Variants in RAPGEF4 observed in about 807,000 individuals in gnomAD.
The protein encoded by RAPGEF4 is RAP guanine-nucleotide-exchange factor (GEF) 4.
In RAPGEF4, 66 loss-of-function variants were observed where a neutral mutation model predicts 147.9. That is an observed-to-expected ratio of 0.45 (90% CI 0.37 to 0.55). The LOEUF (loss-of-function observed/expected upper bound fraction) is 0.55. Among genes scored for constraint, RAPGEF4 ranks in the 20% least tolerant of loss-of-function variants. RAPGEF4 has a pLI of 0.00. For synonymous variants in RAPGEF4, 419 were observed against 442.7 expected, an observed-to-expected ratio of 0.95 and a Z score of 0.67; for missense variants, 1,071 against 1,257.3, an observed-to-expected ratio of 0.85 and a Z score of 2.24.
At chr2:172,912,608 T>C (rs904174270) in intron 4 of RAPGEF4, among the ~76,000 whole-genome samples, 1 of 152,218 alleles carries the variant, frequency 6.6e-6, no homozygotes, top group Non-Finnish European at 1.5e-5. Context: ...ATTTTTGAAC[T>C]CTGCAAGTCC....
chr2:172,965,475 T>C, intron 8 of RAPGEF4, 87 bp from the exon 9 acceptor site: 1 of 1,441,040 alleles, frequency 6.9e-7, no homozygotes, highest in Non-Finnish European at 9.7e-7. Context: ...TTAAGCCCTT[T>C]GGTAGGTTTT....
rs1294376522 is a variant in RAPGEF4, at chr2:172,797,619, A to G, written c.297+6A>G. 6 of 1,605,168 alleles carry G rather than the reference A, an allele frequency of 3.7e-6. No individual in the cohort carries two copies. Among genetic ancestry groups the G allele is most frequent in the Non-Finnish European group, 4.3e-6 (5 of 1,172,942 alleles). The stretch of plus-strand genomic sequence containing the variant: ...CTGAGACCAGCAGTCACCAGGTAAT[A>G]TGGTCTATTTTTTTGAAAGTAGGAT... On this transcript the variant is annotated splice_donor_region_variant and intron_variant, in intron 3 of 30. Coordinates refer to ENST00000397081, the MANE Select transcript of RAPGEF4 (RefSeq NM_007023.4).
chr2:173,012,159 T>C (rs1695090674), intron 17 of RAPGEF4, among the ~76,000 whole-genome samples: 1 of 152,242 alleles, frequency 6.6e-6, no homozygotes, highest in African/African-American at 2.4e-5. Flanking sequence ...AGGTTGTCTT[T>C]CACAGGCACT....
chr2:172,835,919 G>A (rs1027600513), intron 4 of RAPGEF4, among the ~76,000 whole-genome samples: 1 of 152,176 alleles, frequency 6.6e-6, no homozygotes, highest in African/African-American at 2.4e-5. Flanking sequence ...AAATTAGAAT[G>A]TGGGTCTAGG....
At chr2:172,822,007 A>G (rs1689121363) in intron 4 of RAPGEF4, 1 of 1,608,160 alleles carries the variant, frequency 6.2e-7, no homozygotes, top group African/African-American at 1.3e-5. Context: ...TTTTTAGTGA[A>G]GGGTGGGAGA....
intron 10 of RAPGEF4, among the ~76,000 whole-genome samples, chr2:172,978,204 C>G (rs77712560): frequency 2.3e-4 from 34 of 147,416 alleles, no homozygotes; most frequent in African/African-American, 7.7e-4. Flanking sequence ...TCACACCCCC[C>G]CCAGAGCTTC....
At chr2:172,876,869 T>A (rs1266354424) in intron 4 of RAPGEF4, among the ~76,000 whole-genome samples, 1 of 152,238 alleles carries the variant, frequency 6.6e-6, no homozygotes, top group South Asian at 2.1e-4. Context: ...TGAATCAGTC[T>A]GGACCTGGAC....
rs79776665 is a variant in RAPGEF4 at position 172,833,974 on chromosome 2, T to A, written c.444+19549T>A. The stretch of plus-strand genomic sequence containing the variant: ...TTTGATGTTTTTATCCTTTTTCTAC[T>A]GGGGAGATGCTACTTCAGGAAGCTA... On this transcript the variant is annotated intron_variant, in intron 4 of 30. Transcript: ENST00000397081. 4.0e-3 allele frequency among the ~76,000 whole-genome samples: 611 copies of A among 152,344 alleles called. 4 individuals carry two copies. The highest frequency in any genetic ancestry group is 0.014 in the African/African-American group (596 of 41,580).
At chr2:172,812,392 G>T (rs1688108708) in intron 3 of RAPGEF4, among the ~76,000 whole-genome samples, 1 of 152,180 alleles carries the variant, frequency 6.6e-6, no homozygotes, top group African/African-American at 2.4e-5. Context: ...ATGAAATTTT[G>T]TTGTATGTGA....
chr2:172,833,225 A>G (rs1371568319), intron 4 of RAPGEF4, among the ~76,000 whole-genome samples: 1 of 151,370 alleles, frequency 6.6e-6, no homozygotes, highest in Non-Finnish European at 1.5e-5. Context: ...AAAAATCCAA[A>G]AAAGGTATGG....
At chr2:172,886,026 G>A (rs1036265769) in intron 4 of RAPGEF4, among the ~76,000 whole-genome samples, 1 of 151,986 alleles carries the variant, frequency 6.6e-6, no homozygotes, top group South Asian at 2.1e-4. Flanking sequence ...CTGCCTTCAC[G>A]CCTGGCTCTT....
chr2:172,811,861 A>C (rs1487744344), intron 3 of RAPGEF4, among the ~76,000 whole-genome samples: 2 of 152,196 alleles, frequency 1.3e-5, no homozygotes, highest in African/African-American at 4.8e-5. Context: ...TTTATTTGAA[A>C]ATTACTCTCG....
At chr2:172,846,658 A>G (rs1692228360) in intron 4 of RAPGEF4, among the ~76,000 whole-genome samples, 1 of 152,156 alleles carries the variant, frequency 6.6e-6, no homozygotes, top group African/African-American at 2.4e-5. Flanking sequence ...CCTCATGGTG[A>G]ACCACGCTCT....
intron 1 of RAPGEF4, among the ~76,000 whole-genome samples, chr2:172,771,517 A>G (rs13007746): frequency 0.88 from 133,840 of 152,150 alleles, 60,807 homozygotes; most frequent in Non-Finnish European, 0.99. Flanking sequence ...AGAGATTGTA[A>G]TTGTGATTTT....
intron 6 of RAPGEF4, among the ~76,000 whole-genome samples, chr2:172,931,418 T>G (rs1685964093): frequency 6.6e-6 from 1 of 152,158 alleles, no homozygotes; most frequent in Non-Finnish European, 1.5e-5. Flanking sequence ...AGAGAGGTGC[T>G]CTTGCTTCCT....
At chr2:172,890,949 G>A (rs1452455431) in intron 4 of RAPGEF4, among the ~76,000 whole-genome samples, 1 of 152,156 alleles carries the variant, frequency 6.6e-6, no homozygotes, top group African/African-American at 2.4e-5. Flanking sequence ...GGCCAACATG[G>A]CGAAACCCCG....
chr2:172,766,269 G>A (rs1232898740), intron 1 of RAPGEF4, among the ~76,000 whole-genome samples: 3 of 152,044 alleles, frequency 2.0e-5, no homozygotes, highest in African/African-American at 7.2e-5. Context: ...ATATAATTTG[G>A]GGCCGGGCAC....
intron 6 of RAPGEF4, among the ~76,000 whole-genome samples, chr2:172,941,197 TTC>T (rs1355427574): frequency 6.6e-6 from 1 of 152,174 alleles, no homozygotes; most frequent in Non-Finnish European, 1.5e-5. Flanking sequence ...TTTTCTTTAT[TTC>T]TCTTGTCTCG....
At chr2:173,000,124 T>C (rs1311479002) in intron 16 of RAPGEF4, among the ~76,000 whole-genome samples, 1 of 152,186 alleles carries the variant, frequency 6.6e-6, no homozygotes, top group Non-Finnish European at 1.5e-5. Flanking sequence ...AATATTTTCT[T>C]GCAGCCTCTG....
Sources: allele counts gnomAD v4.1 joint callset (sites outside exome capture counted in the v4.1 genomes callset), GRCh38; gene constraint gnomAD v4.1.1; transcripts MANE v1.5; gene names NCBI Gene and HGNC (gene_info 2026-07-23, HGNC 2026-07-21).